MGAT5: variants seen among roughly 807,000 people sequenced by gnomAD.
The protein encoded by MGAT5 is alpha-1,6-mannosylglycoprotein 6-beta-N-acetylglucosaminyltransferase, also known as alpha-1,6-mannosylglycoprotein 6-beta-N-acetylglucosaminyltransferase A.
MGAT5 carries 30 observed loss-of-function variants against 94.3 expected under a neutral mutation model. The observed-to-expected ratio is 0.32, with a 90% CI of 0.24 to 0.43. The LOEUF is 0.43. Among genes scored for constraint, MGAT5 ranks in the 20% least tolerant of loss-of-function variants. The probability of loss-of-function intolerance (pLI) is 1.00; values close to 1 mark genes in which losing one functional copy is unlikely to be tolerated. For synonymous variants in MGAT5, 310 were observed against 322.9 expected (o/e 0.96, Z 0.43); for missense variants, 691 against 905.5 (o/e 0.76, Z 3.04).
At chr2:134,356,195 T>C (rs1679729192) in intron 9 of MGAT5, among the ~76,000 whole-genome samples, 1 of 152,216 alleles carries the variant, frequency 6.6e-6, no homozygotes, top group South Asian at 2.1e-4. Context: ...TTCTTGGTAC[T>C]TGTGGAAATT....
intron 1 of MGAT5, among the ~76,000 whole-genome samples, chr2:134,138,953 G>A (rs1368930005): frequency 2.0e-5 from 3 of 152,182 alleles, no homozygotes; most frequent in Non-Finnish European, 2.9e-5. Context: ...ATCTTAAATT[G>A]TGCCTACTTT....
intron 1 of MGAT5, among the ~76,000 whole-genome samples, chr2:134,184,630 C>T (rs1688910455): frequency 6.6e-6 from 1 of 152,134 alleles, no homozygotes; most frequent in Non-Finnish European, 1.5e-5. Context: ...AACCCAGGAT[C>T]CACAATGGTG....
chr2:134,183,728 C>T (rs902081883), intron 1 of MGAT5, among the ~76,000 whole-genome samples: 1 of 152,200 alleles, frequency 6.6e-6, no homozygotes, highest in Non-Finnish European at 1.5e-5. Flanking sequence ...AATAGGCTGT[C>T]TGCAGCCATC....
chr2:134,180,156 A>G (rs4954114), intron 1 of MGAT5, among the ~76,000 whole-genome samples: 42,032 of 152,174 alleles, frequency 0.28, 8,058 homozygotes, highest in African/African-American at 0.53. Flanking sequence ...TATAATCAAG[A>G]AATAACTGTA....
intron 8 of MGAT5, among the ~76,000 whole-genome samples, chr2:134,347,989 G>C: frequency 1.3e-5 from 2 of 152,082 alleles, no homozygotes; most frequent in Middle Eastern, 6.8e-3. Context: ...ACAAATCAGC[G>C]TGGGTCCTGT....
intron 1 of MGAT5, among the ~76,000 whole-genome samples, chr2:134,228,815 A>G (rs368323028): frequency 1.3e-5 from 2 of 152,132 alleles, no homozygotes; most frequent in Non-Finnish European, 2.9e-5. Flanking sequence ...TTCCTGCACC[A>G]TAGAGGGCAC....
intron 1 of MGAT5, among the ~76,000 whole-genome samples, chr2:134,178,936 C>G (rs1036953648): frequency 6.6e-6 from 1 of 152,178 alleles, no homozygotes; most frequent in Non-Finnish European, 1.5e-5. Flanking sequence ...TATAGTCCAT[C>G]TTCATTATTC....
At chr2:134,169,258 G>A (rs1420299887) in intron 1 of MGAT5, among the ~76,000 whole-genome samples, 1 of 152,076 alleles carries the variant, frequency 6.6e-6, no homozygotes, top group African/African-American at 2.4e-5. Flanking sequence ...GGGATTTCAA[G>A]GCCGGGCGCA....
chr2:134,300,450 A>T (rs1042622512), intron 2 of MGAT5, among the ~76,000 whole-genome samples: 6 of 151,760 alleles, frequency 4.0e-5, no homozygotes, highest in African/African-American at 1.2e-4. Flanking sequence ...GGTTAACCTT[A>T]ATGGAGTAAA....
chr2:134,142,670 A>G (rs1301590331), intron 1 of MGAT5, among the ~76,000 whole-genome samples: 1 of 152,228 alleles, frequency 6.6e-6, no homozygotes, highest in Non-Finnish European at 1.5e-5. Flanking sequence ...TGCAAATCCC[A>G]TGGAATGAAT....
intron 14 of MGAT5, among the ~76,000 whole-genome samples, chr2:134,438,014 CA>C (rs1276833339): frequency 1.8e-3 from 187 of 101,228 alleles, no homozygotes; most frequent in Middle Eastern, 4.9e-3. Context: ...GACTCCGTCT[CA>C]AAAAAAAAAA....
chr2:134,385,264 ACTT>A (rs1449652461), intron 10 of MGAT5, among the ~76,000 whole-genome samples: 1 of 152,184 alleles, frequency 6.6e-6, no homozygotes, highest in East Asian at 1.9e-4. Flanking sequence ...AACCCACTGT[ACTT>A]CTTTCTTCAT....
intron 10 of MGAT5, among the ~76,000 whole-genome samples, chr2:134,400,637 G>A (rs995803302): frequency 6.6e-6 from 1 of 152,136 alleles, no homozygotes; most frequent in Non-Finnish European, 1.5e-5. Flanking sequence ...GTCTACAGTG[G>A]ATATTTTTCT....
At chr2:134,245,074 G>A (rs952899844) in intron 1 of MGAT5, among the ~76,000 whole-genome samples, 13 of 152,178 alleles carry the variant, frequency 8.5e-5, no homozygotes, top group Admixed American at 5.2e-4. Context: ...GTGCAGTGGC[G>A]CGATCTCGGC....
chr2:134,237,467 TA>T (rs1213484994), intron 1 of MGAT5, among the ~76,000 whole-genome samples: 2 of 152,086 alleles, frequency 1.3e-5, no homozygotes, highest in Admixed American at 1.3e-4. Flanking sequence ...GGGAGGAGGA[TA>T]AAGGAGAAAC....
At position 134,378,429 on chromosome 2, in the gene MGAT5, A is replaced by G. The variant is rs561458112; in HGVS notation, c.1380+16021A>G. On this transcript the variant is annotated intron_variant, in intron 10 of 15. Coordinates refer to ENST00000281923, the MANE Select transcript of MGAT5 (RefSeq NM_002410.5). ...AAGGCACTCAGGGGTAGAAGTGTCT[A>G]TCAAACCCGAGAGGCAGAATACAGT... is the stretch of plus-strand genomic sequence containing the variant. 4.6e-5 allele frequency among the ~76,000 whole-genome samples: 7 copies of G among 152,260 alleles called. No individual in the cohort carries two copies. The East Asian group carries it at 1.4e-3, about 29-fold the overall frequency.
At chr2:134,136,687 T>C (rs1573722847) in intron 1 of MGAT5, among the ~76,000 whole-genome samples, 1 of 152,214 alleles carries the variant, frequency 6.6e-6, no homozygotes, top group African/African-American at 2.4e-5. Flanking sequence ...AAAAAAGTCT[T>C]TCTGAGAAGG....
rs534020100 is a variant in MGAT5, at chr2:134,333,210, C to T, written c.574-3007C>T. On this transcript the variant is annotated intron_variant, in intron 4 of 15. Transcript: ENST00000281923. ...AAATGTCCAACAATGATAGACTGGA[C>T]TAAGAAAATGTGGCACATATACACC... Among the ~76,000 whole-genome samples, 654 of 151,880 alleles carry T rather than the reference C, an allele frequency of 4.3e-3. 1 individual carries two copies. Among genetic ancestry groups the T allele is most frequent in the Non-Finnish European group, 7.1e-3 (479 of 67,934 alleles).
At chr2:134,392,252 G>A (rs1682457733) in intron 10 of MGAT5, among the ~76,000 whole-genome samples, 1 of 152,190 alleles carries the variant, frequency 6.6e-6, no homozygotes, top group African/African-American at 2.4e-5. Flanking sequence ...CAGCATTTTA[G>A]ATTGGAAGGT....
Sources: gnomAD v4.1 joint callset for allele counts (sites outside exome capture counted in the v4.1 genomes callset) on GRCh38, gnomAD v4.1.1 for gene constraint, MANE v1.5 for transcripts, NCBI Gene and HGNC (gene_info 2026-07-23, HGNC 2026-07-21) for gene names.